Variants in MAST4 observed in about 807,000 individuals in gnomAD.
MAST4 encodes the protein microtubule associated serine/threonine kinase family member 4.
A neutral mutation model predicts 162.7 loss-of-function variants in MAST4; 89 were observed. The observed-to-expected ratio is 0.55, with a 90% CI of 0.46 to 0.65. MAST4 has a LOEUF of 0.65. MAST4 is among the 30% of genes least tolerant of loss of function. MAST4 has a pLI of 0.00. For missense variants in MAST4, 3,153 were observed against 3,374.0 expected (o/e 0.93, Z 1.62); for synonymous variants, 1,479 against 1,361.1 (o/e 1.09, Z -1.91).
intron 1 of MAST4, among the ~76,000 whole-genome samples, chr5:66,751,726 T>TAAAACACTCTCCTGGATA (rs1753185441): frequency 6.6e-6 from 1 of 150,706 alleles, no homozygotes; most frequent in African/African-American, 2.5e-5. Context: ...CTCTGCAGGA[T>TAAAACACTCTCCTGGATA]ATTATCCAGG....
chr5:66,986,687 C>A (rs1260597907), intron 4 of MAST4, among the ~76,000 whole-genome samples: 1 of 151,268 alleles, frequency 6.6e-6, no homozygotes, highest in Non-Finnish European at 1.5e-5. Context: ...GTAACACGAT[C>A]ATAGCTCACT....
intron 4 of MAST4, among the ~76,000 whole-genome samples, chr5:66,903,380 TTATG>T (rs61208458): frequency 0.13 from 19,619 of 152,036 alleles, 1,516 homozygotes; most frequent in African/African-American, 0.2. Context: ...AACCAAGTAT[TTATG>T]TAGATTTTTA....
At chr5:66,632,050 A>C (rs909834468) in intron 1 of MAST4, among the ~76,000 whole-genome samples, 1 of 152,140 alleles carries the variant, frequency 6.6e-6, no homozygotes, top group African/African-American at 2.4e-5. Context: ...GATATGCTTA[A>C]AATCATAACA....
At chr5:66,605,096 A>G (rs534713200) in intron 1 of MAST4, among the ~76,000 whole-genome samples, 5 of 152,356 alleles carry the variant, frequency 3.3e-5, no homozygotes, top group South Asian at 4.1e-4. Flanking sequence ...CCCTATAAGC[A>G]TATCTACCTC....
intron 3 of MAST4, among the ~76,000 whole-genome samples, chr5:66,879,462 A>G (rs1031137111): frequency 6.6e-6 from 1 of 152,008 alleles, no homozygotes; most frequent in African/African-American, 2.4e-5. Flanking sequence ...TCTAAAACTA[A>G]AAGTATTTTG....
rs966865847 is a variant in MAST4 at position 67,007,612 on chromosome 5, G to A, written c.675-46792G>A. ...ATCTATCAAAGTAAAATTCAGCTTT[G>A]AGCCTATGAATGAGCATCTTAGAAC... On this transcript the variant is annotated intron_variant, in intron 4 of 28. Coordinates refer to ENST00000403625, the MANE Select transcript of MAST4 (RefSeq NM_001164664.2). Among the ~76,000 whole-genome samples, 7 of 152,204 alleles carry A rather than the reference G, an allele frequency of 4.6e-5. No homozygotes were observed. In the South Asian group the frequency reaches 8.3e-4, roughly 18 times the overall value.
chr5:66,703,161 G>A (rs1288458248), intron 1 of MAST4, among the ~76,000 whole-genome samples: 1 of 152,082 alleles, frequency 6.6e-6, no homozygotes, highest in Non-Finnish European at 1.5e-5. Context: ...GGGGAGTAGG[G>A]GGTAGGAGGC....
rs560747885 is a variant in MAST4 at position 66,905,222 on chromosome 5, A to G, written c.674+5240A>G. ...CTCTGGAGGCTGAGGCAGGAGAATCACTTCCACCCAGAAGGTGGAGGTTGC... is the reference window on the plus strand; with the variant it reads ...CTCTGGAGGCTGAGGCAGGAGAATCGCTTCCACCCAGAAGGTGGAGGTTGC... On this transcript the variant is annotated intron_variant, in intron 4 of 28. Coordinates refer to ENST00000403625, the MANE Select transcript of MAST4 (RefSeq NM_001164664.2). Among the ~76,000 whole-genome samples the G allele has an allele frequency of 2.7e-5, 4 of 148,444 alleles. No individual in the cohort carries two copies. In the East Asian group the frequency reaches 8.0e-4, roughly 30 times the overall value.
rs59273615 is a variant in MAST4, at chr5:66,907,587, CGTGTGTGTGTGTGTGT to C, written c.674+7640_674+7655del. ...ATAATGAAATGGGCATAGGTTGATG[CGTGTGTGTGTGTGTGT>C]GTGTGTGTGTGTGTGTGTGTGTGTG... On this transcript the variant is annotated intron_variant, in intron 4 of 28. Transcript: ENST00000403625. Among the ~76,000 whole-genome samples the C allele has an allele frequency of 2.6e-3, 380 of 144,234 alleles. 4 individuals carry two copies. The highest frequency in any genetic ancestry group is 7.1e-3 in the African/African-American group (275 of 38,756). 94.6% of individuals were successfully genotyped at this position (144,234 alleles called of 152,430 possible).
At chr5:66,661,363 GA>G (rs1746898678) in intron 1 of MAST4, among the ~76,000 whole-genome samples, 1 of 152,156 alleles carries the variant, frequency 6.6e-6, no homozygotes, top group Admixed American at 6.5e-5. Context: ...AGGGGGAAGG[GA>G]AAAGACATGC....
intron 4 of MAST4, among the ~76,000 whole-genome samples, chr5:67,037,551 G>A (rs901752785): frequency 3.9e-5 from 6 of 152,068 alleles, no homozygotes; most frequent in African/African-American, 1.4e-4. Flanking sequence ...TCTATTCCTG[G>A]ATCTTATCAA....
rs150185795 is a variant in MAST4 at position 67,099,968 on chromosome 5, A to G, written c.913-467A>G. ...TTTTACTCATGCCACACACTGATGCATTGTAAAGAGAGGTTTCATTGCCTT... is the reference window on the plus strand; with the variant it reads ...TTTTACTCATGCCACACACTGATGCGTTGTAAAGAGAGGTTTCATTGCCTT... On this transcript the variant is annotated intron_variant, in intron 7 of 28. Coordinates refer to ENST00000403625, the MANE Select transcript of MAST4 (RefSeq NM_001164664.2). 5.5e-4 allele frequency among the ~76,000 whole-genome samples: 84 copies of G among 152,350 alleles called. 1 individual carries two copies. The highest frequency in any genetic ancestry group is 1.4e-3 in the Admixed American group (21 of 15,304).
chr5:66,720,054 G>A (rs4429804), intron 1 of MAST4, among the ~76,000 whole-genome samples: 43,426 of 152,032 alleles, frequency 0.29, 6,704 homozygotes, highest in East Asian at 0.57. Flanking sequence ...AGCACTTTAC[G>A]TATTTCTGAG....
At chr5:67,133,462 G>T in intron 16 of MAST4, 52 bp from the exon 17 acceptor site, 1 of 1,588,428 alleles carries the variant, frequency 6.3e-7, no homozygotes, top group Non-Finnish European at 8.6e-7. Flanking sequence ...AATGAAAATA[G>T]ATAACCAGCT....
At chr5:67,003,673 G>A (rs1228784830) in intron 4 of MAST4, among the ~76,000 whole-genome samples, 2 of 152,102 alleles carry the variant, frequency 1.3e-5, no homozygotes, top group Non-Finnish European at 2.9e-5. Flanking sequence ...AAACATTCAT[G>A]GATAGGGGGA....
intron 1 of MAST4, among the ~76,000 whole-genome samples, chr5:66,675,167 TTGTC>T (rs1383019798): frequency 1.3e-5 from 2 of 152,188 alleles, no homozygotes; most frequent in African/African-American, 2.4e-5. Context: ...CCTGGGTAAA[TTGTC>T]TGTGCTCTAG....
intron 10 of MAST4, among the ~76,000 whole-genome samples, chr5:67,107,926 C>T (rs1218918088): frequency 6.6e-6 from 1 of 152,182 alleles, no homozygotes; most frequent in African/African-American, 2.4e-5. Context: ...CACAGGGTAT[C>T]CGTTAGTGTT....
intron 3 of MAST4, among the ~76,000 whole-genome samples, chr5:66,823,030 T>C (rs1384757572): frequency 1.3e-5 from 2 of 152,128 alleles, no homozygotes; most frequent in African/African-American, 4.8e-5. Flanking sequence ...ATGGGGGCAG[T>C]TTCCCCCATG....
chr5:67,109,367 T>C (rs912785280), intron 10 of MAST4, among the ~76,000 whole-genome samples: 3 of 152,182 alleles, frequency 2.0e-5, no homozygotes, highest in African/African-American at 7.2e-5. Context: ...TCTTCAAAAA[T>C]ATTCTATAAA....
Sources: gnomAD v4.1 joint callset for allele counts (sites outside exome capture counted in the v4.1 genomes callset) on GRCh38, gnomAD v4.1.1 for gene constraint, MANE v1.5 for transcripts, NCBI Gene and HGNC (gene_info 2026-07-23, HGNC 2026-07-21) for gene names.